STS: variants seen among roughly 807,000 people sequenced by gnomAD.
STS encodes the protein steroid sulfatase, also known as steryl-sulfatase.
A neutral mutation model predicts 26.8 loss-of-function variants in STS; 7 were observed. The ratio of observed to expected loss-of-function variants is 0.26; its 90% confidence interval spans 0.15 to 0.49. STS has a LOEUF of 0.49. Among genes scored for constraint, STS ranks in the 20% least tolerant of loss-of-function variants. STS has a pLI of 0.98. For missense variants in STS, 434 were observed against 465.6 expected (o/e 0.93, Z 0.63); for synonymous variants, 199 against 189.4 (o/e 1.05, Z -0.42).
intron 2 of STS, among the ~76,000 whole-genome samples, chrX:7,243,277 G>C (rs1477227382): frequency 8.9e-6 from 1 of 111,888 alleles, no homozygotes; most frequent in East Asian, 2.8e-4. Context: ...TCCTGCAGCT[G>C]GTCTTGAACT....
At chrX:7,293,567 A>G (rs1252197659) in intron 7 of STS, among the ~76,000 whole-genome samples, 1 of 111,817 alleles carries the variant, frequency 8.9e-6, no homozygotes, top group African/African-American at 3.3e-5. Flanking sequence ...GTGAATCCAC[A>G]TCTTCGAAAA....
At chrX:7,190,542 T>A (rs2147015203) in intron 1 of STS, among the ~76,000 whole-genome samples, 1 of 110,980 alleles carries the variant, frequency 9.0e-6, no homozygotes, top group East Asian at 2.8e-4. Flanking sequence ...CCCAACACTT[T>A]GTCAGGCTGA....
chrX:7,219,314 G>T, intron 2 of STS: 1 of 739,660 alleles, frequency 1.4e-6, no homozygotes, highest in Non-Finnish European at 1.7e-6. Context: ...GATTGTGTCT[G>T]CATTTATCTT....
Position 7,259,772 on chromosome X carries a change from G to A in STS, c.806G>A (p.Arg269Gln), listed in dbSNP as rs1382685156. Reference sequence around the variant, plus strand: ...GTGGAGGCGGCCCAGTTCATACAGCGGTGGGTATTGCCTTGTCCTCTGATG... The same window carrying A: ...GTGGAGGCGGCCCAGTTCATACAGCAGTGGGTATTGCCTTGTCCTCTGATG... ...LTVEAAQFIQ[R>Q]NTETPFLLVL... The change falls in exon 6 of 11, where the codon CGG becomes CAG. Residue 269 changes from arginine to glutamine, a missense_variant and splice_region_variant. Coordinates refer to ENST00000674429, the MANE Select transcript of STS (RefSeq NM_001320752.2). 21 of 1,207,740 alleles carry A rather than the reference G, an allele frequency of 1.7e-5. No individual in the cohort carries two copies. The highest frequency in any genetic ancestry group is 2.3e-4 in the Middle Eastern group (1 of 4,345).
chrX:7,256,991 C>T (rs1923440763), intron 3 of STS, among the ~76,000 whole-genome samples: 1 of 112,092 alleles, frequency 8.9e-6, no homozygotes, highest in South Asian at 3.7e-4. Context: ...GTGGCTCACG[C>T]CTGTAATCCC....
At chrX:7,310,483 G>A (rs1926427301) in intron 8 of STS, among the ~76,000 whole-genome samples, 1 of 112,097 alleles carries the variant, frequency 8.9e-6, no homozygotes, top group Non-Finnish European at 1.9e-5. Context: ...TTGTATCTGT[G>A]TCAAGGCAGT....
At chrX:7,199,301 T>G (rs1293693123) in intron 2 of STS, among the ~76,000 whole-genome samples, 1 of 111,788 alleles carries the variant, frequency 8.9e-6, no homozygotes, top group Non-Finnish European at 1.9e-5. Context: ...TAGATTGATT[T>G]TATAATTTAG....
intron 2 of STS, among the ~76,000 whole-genome samples, chrX:7,207,943 G>A (rs1472922506): frequency 8.9e-6 from 1 of 111,950 alleles, no homozygotes. Flanking sequence ...TGAGATGATT[G>A]TAGGGGGCAA....
intron 8 of STS, among the ~76,000 whole-genome samples, chrX:7,311,677 G>A: frequency 9.0e-6 from 1 of 111,494 alleles, no homozygotes; most frequent in Admixed American, 9.5e-5. Context: ...GTGAGACCTT[G>A]TCTCTACAAA....
At chrX:7,268,709 A>T (rs774500276) in intron 6 of STS, among the ~76,000 whole-genome samples, 69 of 111,588 alleles carry the variant, frequency 6.2e-4, no homozygotes, top group East Asian at 3.7e-3. Flanking sequence ...GGCCTATGGG[A>T]TATGTATTTA....
chrX:7,324,275 G>GT (rs1203092993), intron 8 of STS, among the ~76,000 whole-genome samples: 3 of 110,696 alleles, frequency 2.7e-5, no homozygotes, highest in Non-Finnish European at 5.7e-5. Context: ...AGAAGGGAGT[G>GT]TCTGGGTTAA....
chrX:7,249,915 T>C (rs1192370683), intron 2 of STS, among the ~76,000 whole-genome samples: 1 of 111,147 alleles, frequency 9.0e-6, no homozygotes, highest in Non-Finnish European at 1.9e-5. Flanking sequence ...AGAAAGTCTG[T>C]ATTCTTTATT....
At chrX:7,330,240 A>G (rs928672240) in intron 9 of STS, among the ~76,000 whole-genome samples, 2 of 112,320 alleles carry the variant, frequency 1.8e-5, no homozygotes, top group Non-Finnish European at 3.8e-5. Context: ...GTATTAATTC[A>G]TTAACATGAA....
At chrX:7,330,278 A>G (rs771395574) in intron 9 of STS, among the ~76,000 whole-genome samples, 3 of 112,164 alleles carry the variant, frequency 2.7e-5, no homozygotes, top group African/African-American at 6.5e-5. Context: ...TCATCTTTGC[A>G]AGCAGATACA....
intron 10 of STS, among the ~76,000 whole-genome samples, chrX:7,339,045 T>G (rs1319061069): frequency 8.9e-6 from 1 of 111,955 alleles, no homozygotes; most frequent in Non-Finnish European, 1.9e-5. Flanking sequence ...TAAAGAAAAG[T>G]GCTCGCATGG....
intron 2 of STS, among the ~76,000 whole-genome samples, chrX:7,246,839 G>T (rs952511241): frequency 2.7e-5 from 3 of 112,780 alleles, no homozygotes; most frequent in African/African-American, 6.4e-5. Context: ...GAGATAAGGG[G>T]TAGTTTTATT....
At chrX:7,254,785 A>G (rs775239057) in intron 3 of STS, among the ~76,000 whole-genome samples, 4 of 109,361 alleles carry the variant, frequency 3.7e-5, no homozygotes, top group South Asian at 4.1e-4. Flanking sequence ...GGGTTTCACT[A>G]TGTTGGCCAG....
intron 2 of STS, among the ~76,000 whole-genome samples, chrX:7,225,089 G>A (rs1405718454): frequency 8.9e-6 from 1 of 112,131 alleles, no homozygotes; most frequent in African/African-American, 3.2e-5. Context: ...GTTCCAGGAG[G>A]TGAGATGACA....
intron 2 of STS, among the ~76,000 whole-genome samples, chrX:7,247,574 G>C (rs370833283): frequency 5.3e-5 from 6 of 112,298 alleles, no homozygotes; most frequent in African/African-American, 1.6e-4. Context: ...GAGCTATGTA[G>C]TTGACAGTGA....
Sources: gnomAD v4.1 joint callset for allele counts (sites outside exome capture counted in the v4.1 genomes callset) on GRCh38, gnomAD v4.1.1 for gene constraint, MANE v1.5 for transcripts, NCBI Gene and HGNC (gene_info 2026-07-23, HGNC 2026-07-21) for gene names.